Variants in TET2 observed in about 807,000 individuals in gnomAD.
TET2 encodes the protein tet methylcytosine dioxygenase 2.
TET2 carries 299 observed loss-of-function variants against 142.9 expected under a neutral mutation model. That is an observed-to-expected ratio of 2.09 (90% confidence interval 1.90 to 2.30). TET2 has a LOEUF of 2.30. Ranked by LOEUF, TET2 falls within the 30% of genes most tolerant of loss-of-function variation. The probability of loss-of-function intolerance (pLI) is 0.00; values close to 1 mark genes in which losing one functional copy is unlikely to be tolerated. For missense variants in TET2, 2,418 were observed against 2,378.0 expected (o/e 1.02, Z -0.35); for synonymous variants, 819 against 849.0 (o/e 0.96, Z 0.61).
At chr4:105,221,961 G>A (rs1406744862) in intron 2 of TET2, among the ~76,000 whole-genome samples, 8 of 147,274 alleles carry the variant, frequency 5.4e-5, no homozygotes, top group Non-Finnish European at 9.0e-5. Context: ...GAGAATATGC[G>A]GTGTTTGGTT....
rs745887194 is a variant in TET2, at chr4:105,236,826, C to T, written c.2884C>T (p.Gln962Ter). Residue 962 changes from glutamine (Q) to a stop codon, truncating the protein, a stop_gained, in exon 3 of 11, where the codon CAG (glutamine) becomes TAG (stop). Transcript: ENST00000380013. LOFTEE classifies it high-confidence loss of function. ...GTGGCATCTCTTACAGAAGCAAGAA[C>T]AGCAGCAAACACAGCAACCCCAAAC... ...LRWHLLQKQE[Q>*]QQTQQPQTES... 1.2e-6 allele frequency: 2 copies of T among 1,614,094 alleles called. No individual in the cohort carries two copies. Among genetic ancestry groups the T allele is most frequent in the East Asian group, 2.2e-5 (1 of 44,870 alleles).
rs116464676 is a variant in TET2 at position 105,206,387 on chromosome 4, G to A, written c.-47+15882G>A. ...TATGTCAGGGTGAGCCTGCTACACA[G>A]GTATGTAACTCAGACAGTGACCTAC... On this transcript the variant is annotated intron_variant, in intron 2 of 10. Transcript: ENST00000380013. 7.4e-3 allele frequency among the ~76,000 whole-genome samples: 1,120 copies of A among 152,340 alleles called. 12 individuals carry two copies. The highest frequency in any genetic ancestry group is 0.023 in the African/African-American group (972 of 41,576).
intron 1 of TET2, among the ~76,000 whole-genome samples, chr4:105,169,927 C>CTGTT (rs1376895176): frequency 0.057 from 8,731 of 151,968 alleles, 679 homozygotes; most frequent in African/African-American, 0.17. Context: ...TCTCTATCCC[C>CTGTT]CCATTGGTCT....
At chr4:105,190,120 G>C (rs1239962190) in intron 1 of TET2, among the ~76,000 whole-genome samples, 1 of 152,186 alleles carries the variant, frequency 6.6e-6, no homozygotes, top group East Asian at 1.9e-4. Flanking sequence ...TTGCGGTGAA[G>C]ATGTGAAGAC....
chr4:105,204,256 CACACACACACACATACAT>C lies in TET2; in HGVS notation c.-47+13755_-47+13772del, dbSNP rs796242139. Among the ~76,000 whole-genome samples, 93 of 146,490 alleles carry C rather than the reference CACACACACACACATACAT, an allele frequency of 6.3e-4. 1 individual carries two copies. The highest frequency in any genetic ancestry group is 2.2e-3 in the African/African-American group (84 of 37,718). On this transcript the variant is annotated intron_variant, in intron 2 of 10. Transcript: ENST00000380013. The stretch of plus-strand genomic sequence containing the variant: ...ATATACACACACACACACACACACA[CACACACACACACATACAT>C]ACATACATTAGAAAACTAATTACAT...
chr4:105,161,935 G>A (rs1427514395), intron 1 of TET2, among the ~76,000 whole-genome samples: 1 of 152,246 alleles, frequency 6.6e-6, no homozygotes, highest in South Asian at 2.1e-4. Context: ...TGTATGTGGT[G>A]TGTATGTGTT....
chr4:105,224,172 C>A (rs1230553121), intron 2 of TET2, among the ~76,000 whole-genome samples: 2 of 151,522 alleles, frequency 1.3e-5, no homozygotes, highest in African/African-American at 2.4e-5. Flanking sequence ...AAGCAATAAA[C>A]CAAAAAATAA....
In TET2 at chr4:105,236,919, A is replaced by G; in HGVS notation, c.2977A>G (p.Met993Val). Reference sequence around the variant, plus strand: ...ACCTGGATGCAAGCCACATGCCTGTATGCACACAGCACCACCAGAAAACAA... The same window carrying G: ...ACCTGGATGCAAGCCACATGCCTGTGTGCACACAGCACCACCAGAAAACAA... ...VEPGCKPHACMHTAPPENKTW... is the reference protein window; with the variant it reads ...VEPGCKPHACVHTAPPENKTW... The change falls in exon 3 of 11, where the codon ATG (methionine) becomes GTG (valine). Residue 993 changes from methionine (M) to valine (V), a missense_variant. Physicochemically the swap from Met to Val is conservative, Grantham distance 21. Transcript: ENST00000380013. The G allele has an allele frequency of 2.5e-6, 4 of 1,614,160 alleles. No individual in the cohort carries two copies. Among genetic ancestry groups the G allele is most frequent in the Non-Finnish European group, 3.4e-6 (4 of 1,180,026 alleles).
intron 2 of TET2, among the ~76,000 whole-genome samples, chr4:105,218,230 T>C (rs4698934): frequency 0.12 from 17,777 of 152,048 alleles, 1,235 homozygotes; most frequent in Non-Finnish European, 0.16. Flanking sequence ...TCCTGCCCCA[T>C]AGAAGAATTT....
chr4:105,214,324 T>TTTTTTA (rs1727350540), intron 2 of TET2, among the ~76,000 whole-genome samples: 1 of 142,794 alleles, frequency 7.0e-6, no homozygotes, highest in African/African-American at 2.7e-5. Context: ...TTTTTTTTTT[T>TTTTTTA]GAGACAAGAC....
chr4:105,232,492 G>A (rs566895027), intron 2 of TET2, among the ~76,000 whole-genome samples: 1 of 152,320 alleles, frequency 6.6e-6, no homozygotes, highest in South Asian at 2.1e-4. Context: ...AAGGGGATAA[G>A]TGTTCCCTTT....
chr4:105,170,306 T>A, intron 1 of TET2, among the ~76,000 whole-genome samples: 1 of 152,170 alleles, frequency 6.6e-6, no homozygotes, highest in East Asian at 1.9e-4. Flanking sequence ...GAGCACTCAA[T>A]AAATATTTGG....
At chr4:105,158,990 C>T (rs1040045335) in intron 1 of TET2, among the ~76,000 whole-genome samples, 4 of 152,028 alleles carry the variant, frequency 2.6e-5, no homozygotes, top group African/African-American at 9.7e-5. Context: ...GTACCGTGCA[C>T]GTGGCAGCAG....
At chr4:105,173,363 C>CA (rs71584289) in intron 1 of TET2, among the ~76,000 whole-genome samples, 49,945 of 114,408 alleles carry the variant, frequency 0.44, 9,343 homozygotes, top group East Asian at 0.54. Context: ...ACTAAAAATA[C>CA]AAAAAAAAAA....
At chr4:105,149,031 G>T (rs1723173924) in intron 1 of TET2, among the ~76,000 whole-genome samples, 1 of 152,128 alleles carries the variant, frequency 6.6e-6, no homozygotes, top group Non-Finnish European at 1.5e-5. Context: ...CGGTTCATTG[G>T]TTAGTTCTTA....
chr4:105,178,631 G>A (rs1288453938), intron 1 of TET2, among the ~76,000 whole-genome samples: 1 of 152,136 alleles, frequency 6.6e-6, no homozygotes, highest in Non-Finnish European at 1.5e-5. Flanking sequence ...CTCTGGTATG[G>A]GATGTTGATA....
chr4:105,262,473 CTG>C (rs1730489326), intron 8 of TET2, among the ~76,000 whole-genome samples: 1 of 152,140 alleles, frequency 6.6e-6, no homozygotes, highest in South Asian at 2.1e-4. Flanking sequence ...AAAATCTTCA[CTG>C]TTTCAGTAAC....
At position 105,190,402 on chromosome 4, in the gene TET2, T is replaced by C; in HGVS notation, c.-150T>C. 1 of 694,034 alleles carries C rather than the reference T, an allele frequency of 1.4e-6. No individual in the cohort carries two copies. The highest frequency in any genetic ancestry group is 2.7e-5 in the East Asian group (1 of 37,242). 43.0% of individuals were successfully genotyped at this position (694,034 alleles called of 1,614,324 possible). A position where few individuals can be genotyped will look rare whatever the true frequency, so the allele number is the denominator to read the frequency against. ...AGCACACCCTCTCAAGATTGTTTAC[T>C]TGCCTTTGCTCCTGTTGAGTTACAA... On this transcript the variant is annotated 5_prime_UTR_variant, in exon 2 of 11. Coordinates refer to ENST00000380013, the MANE Select transcript of TET2 (RefSeq NM_001127208.3).
At chr4:105,272,474 C>T in intron 9 of TET2, 90 bp from the exon 10 acceptor site, 1 of 875,406 alleles carries the variant, frequency 1.1e-6, no homozygotes, top group Non-Finnish European at 1.7e-6. Flanking sequence ...CAACACAAAT[C>T]TGAATACTGA....
Sources: gnomAD v4.1 joint callset for allele counts (sites outside exome capture counted in the v4.1 genomes callset) on GRCh38, gnomAD v4.1.1 for gene constraint, MANE v1.5 for transcripts, NCBI Gene and HGNC (gene_info 2026-07-23, HGNC 2026-07-21) for gene names.